OR2L13: variants seen among roughly 807,000 people sequenced by gnomAD.
OR2L13 encodes the protein olfactory receptor 2L13.
In OR2L13, 14 loss-of-function variants were observed where a neutral mutation model predicts 15.3. The ratio of observed to expected loss-of-function variants is 0.91; its 90% CI spans 0.60 to 1.43. The LOEUF is 1.43. OR2L13 is among the 40% of genes most tolerant of loss of function. The pLI is 0.00. For missense variants in OR2L13, 367 were observed against 387.9 expected (o/e 0.95, Z 0.45); for synonymous variants, 152 against 142.9 (o/e 1.06, Z -0.45).
chr1:247,967,490 A>T, the OR2L13 span, among the ~76,000 whole-genome samples: 2 of 152,078 alleles, frequency 1.3e-5, no homozygotes, highest in South Asian at 4.1e-4. Flanking sequence ...TGGCCTCCCA[A>T]AGTGCTGGGA....
the OR2L13 span, among the ~76,000 whole-genome samples, chr1:248,004,719 C>T: frequency 1.4e-4 from 21 of 152,152 alleles, no homozygotes; most frequent in African/African-American, 4.8e-4. Context: ...AATGTGCCAG[C>T]AGTAATAAAA....
At chr1:247,999,279 C>A in the OR2L13 span, among the ~76,000 whole-genome samples, 3 of 152,084 alleles carry the variant, frequency 2.0e-5, no homozygotes, top group Non-Finnish European at 4.4e-5. Flanking sequence ...ATCCTCATTC[C>A]AAAATAACAG....
chr1:247,940,983 G>C, the OR2L13 span, among the ~76,000 whole-genome samples: 1 of 151,890 alleles, frequency 6.6e-6, no homozygotes, highest in Non-Finnish European at 1.5e-5. Flanking sequence ...GTTTTGATTT[G>C]CATTTCTGTG....
At chr1:248,080,095 A>C in the OR2L13 span, among the ~76,000 whole-genome samples, 2 of 152,154 alleles carry the variant, frequency 1.3e-5, no homozygotes, top group South Asian at 4.1e-4. Flanking sequence ...GAAGACATAA[A>C]GGGAACTAGA....
At chr1:248,076,167 C>T in the OR2L13 span, among the ~76,000 whole-genome samples, 73 of 152,228 alleles carry the variant, frequency 4.8e-4, 2 homozygotes, top group East Asian at 6.8e-3. Flanking sequence ...AGATGTATGG[C>T]ATTATTTCTG....
chr1:248,017,646 G>A, the OR2L13 span, among the ~76,000 whole-genome samples: 1 of 152,142 alleles, frequency 6.6e-6, no homozygotes. Flanking sequence ...ATGACATGCA[G>A]GGGGTGAGGA....
At chr1:248,069,654 G>A in the OR2L13 span, among the ~76,000 whole-genome samples, 2 of 152,106 alleles carry the variant, frequency 1.3e-5, no homozygotes, top group Non-Finnish European at 2.9e-5. Context: ...TGGACTAAAT[G>A]CTCTAATTAA....
At chr1:248,077,372 G>A in the OR2L13 span, among the ~76,000 whole-genome samples, 1 of 152,164 alleles carries the variant, frequency 6.6e-6, no homozygotes, top group Non-Finnish European at 1.5e-5. Flanking sequence ...GAGTTAGGGA[G>A]GATTCCCTCT....
At chr1:248,018,118 G>C in the OR2L13 span, among the ~76,000 whole-genome samples, 1 of 148,688 alleles carries the variant, frequency 6.7e-6, no homozygotes, top group South Asian at 2.1e-4. Flanking sequence ...TCACACCACT[G>C]CACTCCAGCC....
the OR2L13 span, chr1:248,022,883 G>A: frequency 3.5e-5 from 56 of 1,601,890 alleles, no homozygotes; most frequent in Non-Finnish European, 4.6e-5. Flanking sequence ...CGGTGAAAAT[G>A]TAGACATACG....
chr1:248,001,235 C>T, the OR2L13 span, among the ~76,000 whole-genome samples: 5 of 152,030 alleles, frequency 3.3e-5, no homozygotes, highest in South Asian at 1.0e-3. Flanking sequence ...TGATGAACTC[C>T]AACAGAATCA....
the OR2L13 span, among the ~76,000 whole-genome samples, chr1:248,009,029 G>A: frequency 6.6e-6 from 1 of 152,074 alleles, no homozygotes; most frequent in Non-Finnish European, 1.5e-5. Context: ...CTGGGACACA[G>A]CTAAAGCAGT....
the OR2L13 span, among the ~76,000 whole-genome samples, chr1:247,962,521 C>A: frequency 6.6e-6 from 1 of 152,190 alleles, no homozygotes; most frequent in Non-Finnish European, 1.5e-5. Flanking sequence ...TTAAATATCT[C>A]ATAAGTATTG....
At chr1:248,025,267 C>T in the OR2L13 span, among the ~76,000 whole-genome samples, 3 of 147,598 alleles carry the variant, frequency 2.0e-5, no homozygotes, top group Non-Finnish European at 4.4e-5. Flanking sequence ...AAACAAACAA[C>T]CCCATCAAAA....
the OR2L13 span, among the ~76,000 whole-genome samples, chr1:248,079,827 A>G: frequency 2.6e-5 from 4 of 152,222 alleles, no homozygotes; most frequent in Non-Finnish European, 4.4e-5. Context: ...AGATTTCTTA[A>G]AGAAGACCAA....
chr1:248,025,146 T>C, the OR2L13 span, among the ~76,000 whole-genome samples: 1 of 147,844 alleles, frequency 6.8e-6, no homozygotes, highest in South Asian at 2.1e-4. Context: ...GAAACTACCA[T>C]CAGAGTGAAC....
chr1:247,989,925 C>G, the OR2L13 span, among the ~76,000 whole-genome samples: 1 of 151,938 alleles, frequency 6.6e-6, no homozygotes, highest in Admixed American at 6.6e-5. Flanking sequence ...TTTATCTTCC[C>G]CTGAAGCATT....
At chr1:248,022,155 C>G in the OR2L13 span, 2 of 1,613,976 alleles carry the variant, frequency 1.2e-6, no homozygotes, top group Non-Finnish European at 1.7e-6. Flanking sequence ...CCTCATTGAC[C>G]TAAATTACAT....
the OR2L13 span, among the ~76,000 whole-genome samples, chr1:248,074,381 T>C: frequency 7.1e-6 from 1 of 141,358 alleles, no homozygotes; most frequent in East Asian, 2.5e-4. Context: ...AGGTAAAATG[T>C]GTTAAAAAAA....
Sources: allele counts gnomAD v4.1 joint callset (sites outside exome capture counted in the v4.1 genomes callset), GRCh38; gene constraint gnomAD v4.1.1; transcripts MANE v1.5; gene names NCBI Gene and HGNC (gene_info 2026-07-23, HGNC 2026-07-21).